The following MSI2 variants were observed in gnomAD, a reference collection of about 807,000 sequenced individuals.
The protein encoded by MSI2 is musashi RNA binding protein 2.
In MSI2, 17 loss-of-function variants were observed where a neutral mutation model predicts 45.6. That is an observed-to-expected ratio of 0.37 (90% confidence interval 0.26 to 0.56). The LOEUF (loss-of-function observed/expected upper bound fraction) is 0.56, where lower values mean the gene tolerates loss of function less well. Among genes scored for constraint, MSI2 ranks in the 20% least tolerant of loss-of-function variants. The pLI, the probability that MSI2 is intolerant of heterozygous loss-of-function variation, is 0.77. For synonymous variants in MSI2, 156 were observed against 158.2 expected (o/e 0.99, Z 0.11); for missense variants, 293 against 444.2 (o/e 0.66, Z 3.06).
intron 6 of MSI2, among the ~76,000 whole-genome samples, chr17:57,447,924 C>G (rs915200976): frequency 1.3e-5 from 2 of 152,192 alleles, no homozygotes; most frequent in Non-Finnish European, 2.9e-5. Flanking sequence ...CTGTGGAAGC[C>G]TCAGATACCA....
At chr17:57,504,919 G>A (rs1166009388) in intron 6 of MSI2, among the ~76,000 whole-genome samples, 49 of 146,422 alleles carry the variant, frequency 3.3e-4, no homozygotes, top group African/African-American at 1.2e-3. Flanking sequence ...CAACAAAAGC[G>A]AAACTCCATT....
chr17:57,436,677 T>C (rs185913230), intron 6 of MSI2, among the ~76,000 whole-genome samples: 18 of 152,286 alleles, frequency 1.2e-4, no homozygotes, highest in Admixed American at 6.5e-4. Context: ...AATTGGAGAC[T>C]TGGGTGGAAG....
chr17:57,387,227 A>G (rs1213545606), intron 5 of MSI2, among the ~76,000 whole-genome samples: 1 of 152,226 alleles, frequency 6.6e-6, no homozygotes, highest in Non-Finnish European at 1.5e-5. Flanking sequence ...TAGAACAGAC[A>G]TCATGGCTAT....
At chr17:57,504,705 T>A (rs1051822988) in intron 6 of MSI2, among the ~76,000 whole-genome samples, 1 of 151,566 alleles carries the variant, frequency 6.6e-6, no homozygotes, top group African/African-American at 2.4e-5. Context: ...CCGAGGCGGG[T>A]GGATCAGCTG....
intron 11 of MSI2, among the ~76,000 whole-genome samples, chr17:57,669,172 C>T (rs1418363886): frequency 3.9e-5 from 6 of 152,206 alleles, no homozygotes; most frequent in African/African-American, 1.4e-4. Flanking sequence ...TGACCATCTG[C>T]AATTATTTAC....
chr17:57,667,688 T>C (rs970355005), intron 11 of MSI2, among the ~76,000 whole-genome samples: 2 of 152,212 alleles, frequency 1.3e-5, no homozygotes, highest in African/African-American at 4.8e-5. Context: ...AGTTCTTTCC[T>C]TGGCCTCATG....
intron 5 of MSI2, among the ~76,000 whole-genome samples, chr17:57,350,641 G>T (rs749971057): frequency 9.2e-5 from 14 of 152,080 alleles, no homozygotes; most frequent in Non-Finnish European, 1.9e-4. Context: ...CTGCCTTTGC[G>T]CAGGGGATCC....
chr17:57,679,398 G>A (rs139650293), intron 13 of MSI2, among the ~76,000 whole-genome samples, 151 bp from the exon 14 acceptor site: 35 of 152,306 alleles, frequency 2.3e-4, no homozygotes, highest in Admixed American at 5.9e-4. Context: ...GGTGATTCTC[G>A]TGCGTATTCA....
chr17:57,492,575 G>A (rs1182273450), intron 6 of MSI2, among the ~76,000 whole-genome samples: 2 of 152,108 alleles, frequency 1.3e-5, no homozygotes, highest in African/African-American at 4.8e-5. Context: ...GCCAGTCTGG[G>A]GAGGGGTGAG....
chr17:57,544,798 G>A (rs1009826200), intron 7 of MSI2, among the ~76,000 whole-genome samples: 1 of 152,072 alleles, frequency 6.6e-6, no homozygotes, highest in African/African-American at 2.4e-5. Context: ...AAATCTGAAG[G>A]GTGATGTTTC....
intron 5 of MSI2, among the ~76,000 whole-genome samples, chr17:57,353,868 C>CT (rs544633376): frequency 3.8e-4 from 58 of 151,184 alleles, no homozygotes; most frequent in South Asian, 8.4e-4. Context: ...TCAGCAAACT[C>CT]TTTTTTTTTA....
chr17:57,648,295 C>T (rs761830790), intron 10 of MSI2, among the ~76,000 whole-genome samples: 6 of 152,090 alleles, frequency 3.9e-5, no homozygotes, highest in South Asian at 2.1e-4. Flanking sequence ...TGAGCCACCG[C>T]GCCTGGCCTA....
At chr17:57,644,742 A>T (rs1220068313) in intron 10 of MSI2, among the ~76,000 whole-genome samples, 2 of 152,178 alleles carry the variant, frequency 1.3e-5, no homozygotes, top group African/African-American at 4.8e-5. Flanking sequence ...TAAGCACAAC[A>T]TAGGAAAAAT....
chr17:57,547,627 G>T (rs2087198912), intron 7 of MSI2, among the ~76,000 whole-genome samples: 1 of 152,088 alleles, frequency 6.6e-6, no homozygotes. Flanking sequence ...CTATTCAATA[G>T]TATGGGGACT....
chr17:57,504,503 G>A (rs1020411269), intron 6 of MSI2, among the ~76,000 whole-genome samples: 7 of 152,170 alleles, frequency 4.6e-5, no homozygotes, highest in Non-Finnish European at 8.8e-5. Context: ...TTTCCCTGTG[G>A]GCAGTCGGAG....
chr17:57,321,010 T>C (rs905031957), intron 5 of MSI2, among the ~76,000 whole-genome samples: 9 of 151,638 alleles, frequency 5.9e-5, no homozygotes, highest in African/African-American at 2.2e-4. Context: ...CCCTCTAGAT[T>C]CTGTACCACT....
chr17:57,435,693 G>T (rs1391744481), intron 6 of MSI2, among the ~76,000 whole-genome samples: 1 of 151,782 alleles, frequency 6.6e-6, no homozygotes, highest in African/African-American at 2.4e-5. Flanking sequence ...GACCTCCCCA[G>T]CCAGGGAGGG....
At chr17:57,420,773 G>A (rs1341197846) in intron 6 of MSI2, among the ~76,000 whole-genome samples, 1 of 152,148 alleles carries the variant, frequency 6.6e-6, no homozygotes, top group African/African-American at 2.4e-5. Context: ...AATCAGAGAG[G>A]CCAATGAGGA....
intron 9 of MSI2, among the ~76,000 whole-genome samples, chr17:57,620,300 G>A (rs1908168861): frequency 6.6e-6 from 1 of 152,174 alleles, no homozygotes; most frequent in Admixed American, 6.5e-5. Flanking sequence ...ACTGTATCTT[G>A]CCTGGTAAAT....
Sources: gnomAD v4.1 joint callset for allele counts (sites outside exome capture counted in the v4.1 genomes callset) on GRCh38, gnomAD v4.1.1 for gene constraint, MANE v1.5 for transcripts, NCBI Gene and HGNC (gene_info 2026-07-23, HGNC 2026-07-21) for gene names.